Variants in PDPN observed in about 807,000 individuals in gnomAD.
PDPN encodes podoplanin.
A neutral mutation model predicts 23.2 loss-of-function variants in PDPN; 12 were observed. The observed-to-expected ratio is 0.52, with a 90% CI of 0.33 to 0.84. PDPN has a LOEUF of 0.84. PDPN is among the 40% of genes least tolerant of loss of function. PDPN has a pLI of 0.02. For synonymous variants in PDPN, 77 were observed against 76.7 expected (o/e 1.00, Z -0.02); for missense variants, 199 against 212.2 (o/e 0.94, Z 0.39).
At chr1:13,595,039 A>G (rs1640456927) in intron 1 of PDPN, among the ~76,000 whole-genome samples, 1 of 151,682 alleles carries the variant, frequency 6.6e-6, no homozygotes, top group African/African-American at 2.4e-5. Context: ...GAGAGCATGC[A>G]CCTGACGCCA....
At chr1:13,603,071 G>A (rs1340971450) in intron 1 of PDPN, among the ~76,000 whole-genome samples, 11 of 150,204 alleles carry the variant, frequency 7.3e-5, no homozygotes, top group Admixed American at 7.3e-4. Flanking sequence ...AAATACAAAG[G>A]AGAGAGAGAG....
chr1:13,593,977 G>C (rs765806138), intron 1 of PDPN, among the ~76,000 whole-genome samples: 2 of 152,194 alleles, frequency 1.3e-5, no homozygotes, highest in South Asian at 2.1e-4. Context: ...TTCTGCTTTG[G>C]TCAAGAGAAA....
At chr1:13,594,665 T>A (rs562049648) in intron 1 of PDPN, among the ~76,000 whole-genome samples, 1 of 152,194 alleles carries the variant, frequency 6.6e-6, no homozygotes, top group South Asian at 2.1e-4. Flanking sequence ...AAAATGAGGA[T>A]GATACTAGTT....
intron 1 of PDPN, among the ~76,000 whole-genome samples, chr1:13,601,802 AC>A (rs1198548700): frequency 6.6e-6 from 1 of 152,264 alleles, no homozygotes; most frequent in African/African-American, 2.4e-5. Flanking sequence ...AAATAAACAG[AC>A]AAAAATATTA....
At chr1:13,602,758 G>A (rs965105486) in intron 1 of PDPN, among the ~76,000 whole-genome samples, 8 of 151,878 alleles carry the variant, frequency 5.3e-5, no homozygotes, top group Non-Finnish European at 1.0e-4. Context: ...CAGTAGAGAC[G>A]GGGTCTCACC....
At chr1:13,587,190 T>C (rs1045566308) in intron 1 of PDPN, among the ~76,000 whole-genome samples, 1 of 152,234 alleles carries the variant, frequency 6.6e-6, no homozygotes, top group Non-Finnish European at 1.5e-5. Flanking sequence ...TAATGTTCTT[T>C]TAAGAATGAA....
chr1:13,605,554 G>A (rs1296132066), intron 1 of PDPN, among the ~76,000 whole-genome samples: 4 of 152,182 alleles, frequency 2.6e-5, no homozygotes. Context: ...AGAGGATACT[G>A]CTGTTATCTG....
At chr1:13,597,741 G>A (rs989112596) in intron 1 of PDPN, among the ~76,000 whole-genome samples, 4 of 152,124 alleles carry the variant, frequency 2.6e-5, no homozygotes, top group Non-Finnish European at 4.4e-5. Flanking sequence ...GGAGGCCAAG[G>A]TGGAAGAGTC....
chr1:13,593,646 G>A (rs1328852567), intron 1 of PDPN, among the ~76,000 whole-genome samples: 6 of 152,160 alleles, frequency 3.9e-5, no homozygotes, highest in Non-Finnish European at 7.4e-5. Context: ...TGGGGTGGAC[G>A]GTGAGGTCAG....
intron 1 of PDPN, among the ~76,000 whole-genome samples, chr1:13,601,414 T>G (rs1398248532): frequency 1.3e-5 from 2 of 152,232 alleles, no homozygotes; most frequent in Non-Finnish European, 2.9e-5. Context: ...TGCAGTGCAG[T>G]GGCACAATCT....
chr1:13,599,011 C>CTTTT lies in PDPN; in HGVS notation c.68-8148_68-8145dup, dbSNP rs35244657. ...ACAGTCCAAGAAAGTGCCCCCCCTC[C>CTTTT]TTTTTTTTTTTTTTTTTGGAGATGG... On this transcript the variant is annotated intron_variant, in intron 1 of 5. Coordinates refer to ENST00000621990, the MANE Select transcript of PDPN (RefSeq NM_006474.5). 6.0e-4 allele frequency among the ~76,000 whole-genome samples: 76 copies of CTTTT among 127,046 alleles called. 2 individuals are homozygous for CTTTT. The highest frequency in any genetic ancestry group is 1.8e-3 in the African/African-American group (61 of 34,040). 83.3% of individuals were successfully genotyped at this position (127,046 alleles called of 152,430 possible). A position where few individuals can be genotyped will look rare whatever the true frequency, so the allele number is the denominator to read the frequency against.
chr1:13,588,731 T>G (rs564228610), intron 1 of PDPN, among the ~76,000 whole-genome samples: 1 of 150,232 alleles, frequency 6.7e-6, no homozygotes, highest in East Asian at 1.9e-4. Context: ...CAGGCTGGAG[T>G]CCAGTAGCAC....
In PDPN at chr1:13,607,248, A is replaced by T; in HGVS notation, c.143A>T (p.Asp48Val). Residue 48 changes from aspartate (D) to valine (V), a missense_variant, in exon 2 of 6, where the codon GAT becomes GTT. By Grantham distance (152) the Asp-to-Val change is radical. Transcript: ENST00000621990. ...EGGVAMPGAEDDVVTPGTSED... is the reference protein window; with the variant it reads ...EGGVAMPGAEVDVVTPGTSED... Reference sequence around the variant, plus strand: ...GGCGTTGCCATGCCAGGTGCCGAAGATGATGTGGTGACTCCAGGAACCAGC... The same window carrying T: ...GGCGTTGCCATGCCAGGTGCCGAAGTTGATGTGGTGACTCCAGGAACCAGC... The T allele has an allele frequency of 6.2e-7, 1 of 1,614,186 alleles. No homozygotes were observed. Among genetic ancestry groups the T allele is most frequent in the Non-Finnish European group, 8.5e-7 (1 of 1,180,014 alleles).
intron 4 of PDPN, 148 bp downstream of exon 4, chr1:13,613,873 T>C (rs929672049): frequency 3.9e-5 from 10 of 255,482 alleles, no homozygotes; most frequent in Non-Finnish European, 6.2e-5. Flanking sequence ...TTTCAAGCTT[T>C]TTTTTTTTTT....
intron 1 of PDPN, among the ~76,000 whole-genome samples, chr1:13,600,935 C>T (rs1262513701): frequency 6.6e-6 from 1 of 152,068 alleles, no homozygotes; most frequent in African/African-American, 2.4e-5. Flanking sequence ...GGCTAAGGGC[C>T]TAGCCACCAC....
chr1:13,597,311 A>G (rs1640521964), intron 1 of PDPN, among the ~76,000 whole-genome samples: 1 of 152,208 alleles, frequency 6.6e-6, no homozygotes, highest in Non-Finnish European at 1.5e-5. Flanking sequence ...TTTAGACACT[A>G]GGGCAGCGCA....
At chr1:13,610,325 G>T in intron 2 of PDPN, 62 bp from the exon 3 acceptor site, 1 of 1,425,890 alleles carries the variant, frequency 7.0e-7, no homozygotes, top group Non-Finnish European at 9.8e-7. Context: ...TATAAGGCAG[G>T]GGATATATTT....
chr1:13,585,767 G>T, intron 1 of PDPN: 1 of 621,582 alleles, frequency 1.6e-6, no homozygotes, highest in Admixed American at 2.1e-5. Flanking sequence ...GGCTGCCAGA[G>T]GAGCAGAGGC....
At chr1:13,585,695 C>T (rs1455438171) in intron 1 of PDPN, 2 of 1,283,316 alleles carry the variant, frequency 1.6e-6, no homozygotes, top group African/African-American at 3.0e-5. Flanking sequence ...CTGGAAACTC[C>T]ACTACTAAAG....
Sources: allele counts gnomAD v4.1 joint callset (sites outside exome capture counted in the v4.1 genomes callset), GRCh38; gene constraint gnomAD v4.1.1; transcripts MANE v1.5; gene names NCBI Gene and HGNC (gene_info 2026-07-23, HGNC 2026-07-21).